CDH13: variants seen among roughly 807,000 people sequenced by gnomAD.
The protein encoded by CDH13 is cadherin-13.
CDH13 carries 24 observed loss-of-function variants against 63.8 expected under a neutral mutation model. The observed-to-expected ratio is 0.38, with a 90% CI of 0.27 to 0.53. CDH13 has a LOEUF of 0.53. Among genes scored for constraint, CDH13 ranks in the 20% least tolerant of loss-of-function variants. CDH13 has a pLI of 0.85. For missense variants in CDH13, 1,049 were observed against 903.1 expected, an observed-to-expected ratio of 1.16 and a Z score of -2.07; for synonymous variants, 503 against 355.3, an observed-to-expected ratio of 1.42 and a Z score of -4.67.
chr16:83,335,033 A>C (rs1329523113), intron 5 of CDH13, among the ~76,000 whole-genome samples: 2 of 152,218 alleles, frequency 1.3e-5, no homozygotes, highest in Non-Finnish European at 2.9e-5. Flanking sequence ...GTCTTATCAC[A>C]ACAAACATTG....
chr16:83,085,123 G>C (rs187412195), intron 3 of CDH13, among the ~76,000 whole-genome samples: 1 of 151,988 alleles, frequency 6.6e-6, no homozygotes, highest in Admixed American at 6.6e-5. Flanking sequence ...GGAAGAAAAA[G>C]AGGTTTAATT....
At chr16:83,050,545 G>C (rs766871711) in intron 3 of CDH13, among the ~76,000 whole-genome samples, 2 of 152,070 alleles carry the variant, frequency 1.3e-5, no homozygotes, top group African/African-American at 2.4e-5. Context: ...CCTGCCATTG[G>C]AAGTGCCTGT....
chr16:82,931,741 G>T (rs1472909738), intron 2 of CDH13, among the ~76,000 whole-genome samples: 1 of 152,078 alleles, frequency 6.6e-6, no homozygotes, highest in Non-Finnish European at 1.5e-5. Flanking sequence ...AATGAAAGGA[G>T]GAACCCCTTA....
chr16:83,335,872 T>C (rs77343960), intron 5 of CDH13, among the ~76,000 whole-genome samples: 6 of 152,112 alleles, frequency 3.9e-5, no homozygotes, highest in African/African-American at 1.4e-4. Flanking sequence ...AATTGCTCAC[T>C]TGGGGGGCTT....
At chr16:83,590,941 G>T (rs1181821413) in intron 7 of CDH13, among the ~76,000 whole-genome samples, 4 of 126,454 alleles carry the variant, frequency 3.2e-5, no homozygotes, top group Admixed American at 1.0e-4. Flanking sequence ...AGGGAGTTTC[G>T]CTCTCGTTGC....
At chr16:83,072,739 A>G (rs2032529503) in intron 3 of CDH13, among the ~76,000 whole-genome samples, 1 of 151,926 alleles carries the variant, frequency 6.6e-6, no homozygotes, top group African/African-American at 2.4e-5. Context: ...TCCCTTTTGG[A>G]CCTCCCTAAA....
intron 7 of CDH13, among the ~76,000 whole-genome samples, chr16:83,553,551 T>TTTG (rs910388541): frequency 2.0e-5 from 3 of 152,176 alleles, no homozygotes; most frequent in African/African-American, 7.2e-5. Flanking sequence ...ATGGGTTTTT[T>TTTG]TTGTTGTTGT....
intron 2 of CDH13, among the ~76,000 whole-genome samples, chr16:83,014,036 A>C (rs539163225): frequency 6.6e-6 from 1 of 152,280 alleles, no homozygotes; most frequent in East Asian, 1.9e-4. Context: ...CAAACAAGAC[A>C]CTTTCTTCCC....
At chr16:83,089,269 G>A (rs191815285) in intron 3 of CDH13, among the ~76,000 whole-genome samples, 26 of 152,288 alleles carry the variant, frequency 1.7e-4, no homozygotes, top group Admixed American at 8.5e-4. Flanking sequence ...GATCATTAGC[G>A]TATAGACTTT....
At chr16:82,995,733 G>T (rs72792143) in intron 2 of CDH13, among the ~76,000 whole-genome samples, 1 of 152,076 alleles carries the variant, frequency 6.6e-6, no homozygotes, top group Non-Finnish European at 1.5e-5. Context: ...TCTGGAAGCA[G>T]GAAGCCACTG....
intron 1 of CDH13, among the ~76,000 whole-genome samples, chr16:82,844,026 C>A (rs1042317278): frequency 6.6e-6 from 1 of 152,160 alleles, no homozygotes. Context: ...GTAAGCTTCT[C>A]ATGGGCTGTG....
At chr16:82,709,026 G>A (rs2031712557) in intron 1 of CDH13, among the ~76,000 whole-genome samples, 1 of 152,194 alleles carries the variant, frequency 6.6e-6, no homozygotes. Flanking sequence ...GAGAAGTGGG[G>A]ACAGGCCCAA....
intron 1 of CDH13, among the ~76,000 whole-genome samples, chr16:82,806,624 G>A (rs1474093847): frequency 6.6e-6 from 1 of 152,200 alleles, no homozygotes; most frequent in African/African-American, 2.4e-5. Flanking sequence ...CAGACTGCCT[G>A]ATGGGAACCC....
At chr16:82,947,421 G>A (rs906806871) in intron 2 of CDH13, among the ~76,000 whole-genome samples, 8 of 152,036 alleles carry the variant, frequency 5.3e-5, no homozygotes, top group East Asian at 1.9e-4. Context: ...CTGGAAAAAC[G>A]GAAATATTAG....
chr16:82,984,621 T>C (rs1239760827), intron 2 of CDH13, among the ~76,000 whole-genome samples: 2 of 152,228 alleles, frequency 1.3e-5, no homozygotes, highest in African/African-American at 4.8e-5. Flanking sequence ...CATTTGTTTG[T>C]AGCAACTGTC....
chr16:82,785,297 T>G (rs962572364), intron 1 of CDH13, among the ~76,000 whole-genome samples: 7 of 152,142 alleles, frequency 4.6e-5, no homozygotes, highest in African/African-American at 1.7e-4. Context: ...CTTGGCTCAT[T>G]TGAAAGAGAG....
intron 2 of CDH13, among the ~76,000 whole-genome samples, chr16:82,908,623 A>C (rs2041725148): frequency 6.6e-6 from 1 of 152,208 alleles, no homozygotes; most frequent in Non-Finnish European, 1.5e-5. Context: ...CTTCCCTTAG[A>C]GGCAACCAAC....
At chr16:83,093,078 A>T (rs1400420265) in intron 3 of CDH13, among the ~76,000 whole-genome samples, 1 of 152,156 alleles carries the variant, frequency 6.6e-6, no homozygotes, top group African/African-American at 2.4e-5. Context: ...TCATTTGATT[A>T]GCAATTTCTA....
chr16:83,325,919 C>T (rs571476085), intron 5 of CDH13, among the ~76,000 whole-genome samples: 61 of 152,234 alleles, frequency 4.0e-4, no homozygotes, highest in African/African-American at 1.4e-3. Context: ...CCACAATGTC[C>T]CTTCTTCTCA....
Sources: allele counts gnomAD v4.1 joint callset (sites outside exome capture counted in the v4.1 genomes callset), GRCh38; gene constraint gnomAD v4.1.1; transcripts MANE v1.5; gene names NCBI Gene and HGNC (gene_info 2026-07-23, HGNC 2026-07-21).